Variants in TRIM5 observed in about 807,000 individuals in gnomAD.
TRIM5 encodes the protein tripartite motif containing 5.
In TRIM5, 31 loss-of-function variants were observed where a neutral mutation model predicts 35.6. That is an observed-to-expected ratio of 0.87 (90% confidence interval 0.65 to 1.18). The LOEUF (loss-of-function observed/expected upper bound fraction) is 1.18. Ranked by LOEUF, TRIM5 falls within the 50% of genes most tolerant of loss-of-function variation. The pLI is 0.00. For synonymous variants in TRIM5, 243 were observed against 215.6 expected (o/e 1.13, Z -1.11); for missense variants, 609 against 591.6 (o/e 1.03, Z -0.31).
intron 4 of TRIM5, among the ~76,000 whole-genome samples, chr11:5,677,152 C>G (rs1480869310): frequency 1.3e-5 from 2 of 152,058 alleles, no homozygotes; most frequent in African/African-American, 2.4e-5. Context: ...AAACTACCAT[C>G]AAAGTGAACA....
At chr11:5,666,829 A>C (rs1017319809) in intron 5 of TRIM5, among the ~76,000 whole-genome samples, 1 of 152,254 alleles carries the variant, frequency 6.6e-6, no homozygotes, top group Non-Finnish European at 1.5e-5. Context: ...AATTCTTTGT[A>C]CCATGACCAC....
At chr11:5,610,428 ATCCTCACAGGAT>A in the TRIM5 span, 1 of 1,601,362 alleles carries the variant, frequency 6.2e-7, no homozygotes. Flanking sequence ...GCCAGGTGAC[ATCCTCACAGGAT>A]TCCTCACCAT....
At chr11:5,633,690 C>T in the TRIM5 span, 1 of 1,006,458 alleles carries the variant, frequency 9.9e-7, no homozygotes, top group Non-Finnish European at 1.4e-6. Context: ...ACCAGCTTCA[C>T]AGTTTCTGTA....
the TRIM5 span, chr11:5,603,792 C>T: frequency 2.4e-5 from 38 of 1,585,948 alleles, no homozygotes; most frequent in East Asian, 3.4e-4. Flanking sequence ...CAGGTTTTAA[C>T]GTTTTATCAT....
At chr11:5,651,073 C>T in the TRIM5 span, among the ~76,000 whole-genome samples, 2 of 152,132 alleles carry the variant, frequency 1.3e-5, no homozygotes, top group South Asian at 4.1e-4. Context: ...GGAGTGACAC[C>T]TCAAAATGAG....
chr11:5,634,842 C>A, the TRIM5 span: 1 of 1,612,658 alleles, frequency 6.2e-7, no homozygotes, highest in South Asian at 1.1e-5. Flanking sequence ...AGTCAGTGGT[C>A]AACAATGGAG....
At position 5,679,073 on chromosome 11, in the gene TRIM5, C is replaced by A. The variant is rs1199526780; in HGVS notation, c.513+1G>T. On this transcript the variant is annotated splice_donor_variant, in intron 3 of 7. Transcript: ENST00000380034. LOFTEE classifies it high-confidence loss of function. ...CTCCTTCGGGAACCACATCCTCTTGCCTTCCAGGAAGCTTTCTCTTCTCTG... is the reference window on the plus strand; with the variant it reads ...CTCCTTCGGGAACCACATCCTCTTGACTTCCAGGAAGCTTTCTCTTCTCTG... 1 of 1,613,494 alleles carries A rather than the reference C, an allele frequency of 6.2e-7. No homozygotes were observed. The highest frequency in any genetic ancestry group is 1.7e-5 in the Admixed American group (1 of 60,018).
intron 3 of TRIM5, 53 bp downstream of exon 3, chr11:5,679,021 C>A: frequency 6.8e-7 from 1 of 1,471,478 alleles, no homozygotes; most frequent in South Asian, 1.1e-5. Flanking sequence ...AGCTCCTTCC[C>A]CTGGTCCTGC....
chr11:5,639,743 C>T, the TRIM5 span, among the ~76,000 whole-genome samples: 2 of 112,946 alleles, frequency 1.8e-5, no homozygotes, highest in Non-Finnish European at 3.7e-5. Context: ...GTGGATAGAA[C>T]AGGACTTTTC....
intron 5 of TRIM5, 183 bp from the exon 6 acceptor site, chr11:5,666,264 CACTT>C (rs1851129978): frequency 1.5e-6 from 1 of 671,472 alleles, no homozygotes; most frequent in African/African-American, 1.8e-5. Context: ...TTTGCCTTCC[CACTT>C]ACTTTCTGTG....
At chr11:5,610,927 C>T in the TRIM5 span, 65 of 1,614,006 alleles carry the variant, frequency 4.0e-5, no homozygotes, top group African/African-American at 5.3e-5. Flanking sequence ...CAGCACTTCT[C>T]CTCTGGTAAG....
At chr11:5,663,187 C>A (rs1566281), downstream of TRIM5, 894,456 of 907,878 alleles carry the variant, frequency 0.99, 441,326 homozygotes, top group East Asian at 1. Flanking sequence ...ATGGATTACC[C>A]CTTACATGCT....
the TRIM5 span, chr11:5,643,329 C>T: frequency 6.2e-7 from 1 of 1,613,882 alleles, no homozygotes; most frequent in East Asian, 2.2e-5. Flanking sequence ...TGCCTGGATC[C>T]TGGGGGTATA....
the TRIM5 span, among the ~76,000 whole-genome samples, chr11:5,594,908 G>A: frequency 1.3e-5 from 2 of 152,238 alleles, no homozygotes; most frequent in East Asian, 1.9e-4. Flanking sequence ...GACCTGAAGC[G>A]TCATCCAGGG....
At chr11:5,624,818 A>G in the TRIM5 span, 16 of 152,156 alleles carry the variant, frequency 1.1e-4, no homozygotes, top group African/African-American at 3.9e-4. Context: ...CTGGATTAAG[A>G]GCATTACCTT....
the TRIM5 span, chr11:5,589,395 A>G: frequency 3.3e-5 from 5 of 152,124 alleles, no homozygotes; most frequent in Admixed American, 6.5e-5. Flanking sequence ...ATGCAAATTA[A>G]TTGTCTCAAA....
downstream of TRIM5, among the ~76,000 whole-genome samples, chr11:5,662,237 A>G (rs760488874): frequency 2.6e-5 from 4 of 152,224 alleles, no homozygotes; most frequent in Non-Finnish European, 5.9e-5. Flanking sequence ...CAGGGTGAAG[A>G]GCAGAGACTA....
At chr11:5,683,195 T>C (rs909271195) in intron 1 of TRIM5, among the ~76,000 whole-genome samples, 1 of 152,196 alleles carries the variant, frequency 6.6e-6, no homozygotes, top group African/African-American at 2.4e-5. Flanking sequence ...CACGACCCCT[T>C]GGGCTCCTGT....
the TRIM5 span, among the ~76,000 whole-genome samples, chr11:5,602,108 G>A: frequency 6.6e-6 from 1 of 152,110 alleles, no homozygotes; most frequent in Non-Finnish European, 1.5e-5. Context: ...ATTTCACTGC[G>A]AGGATTCAAA....
Sources: allele counts gnomAD v4.1 joint callset (sites outside exome capture counted in the v4.1 genomes callset), GRCh38; gene constraint gnomAD v4.1.1; transcripts MANE v1.5; gene names NCBI Gene and HGNC (gene_info 2026-07-23, HGNC 2026-07-21).